Variants in CSF2RA observed in about 807,000 individuals in gnomAD.
The protein encoded by CSF2RA is granulocyte-macrophage colony-stimulating factor receptor subunit alpha.
A neutral mutation model predicts 51.6 loss-of-function variants in CSF2RA; 42 were observed. The observed-to-expected ratio is 0.81, with a 90% CI of 0.64 to 1.05. CSF2RA has a LOEUF of 1.05. Ranked by LOEUF, CSF2RA falls within the 50% of genes least tolerant of loss-of-function variation. The pLI, the probability that CSF2RA is intolerant of heterozygous loss-of-function variation, is 0.00. For missense variants in CSF2RA, 530 were observed against 501.1 expected, an observed-to-expected ratio of 1.06 and a Z score of -0.55; for synonymous variants, 222 against 193.0, an observed-to-expected ratio of 1.15 and a Z score of -1.24.
chrX:1,312,905 G>A (rs1227374764), downstream of CSF2RA, among the ~76,000 whole-genome samples: 1 of 152,106 alleles, frequency 6.6e-6, no homozygotes, highest in Non-Finnish European at 1.5e-5. Context: ...GCTTGGGGAA[G>A]AGATGGAGCC....
the CSF2RA span, among the ~76,000 whole-genome samples, chrX:1,318,436 T>G: frequency 4.0e-4 from 60 of 151,732 alleles, no homozygotes; most frequent in African/African-American, 1.2e-3. Flanking sequence ...GTGCTGGGAT[T>G]ACAGGCGTGA....
intron 7 of CSF2RA, among the ~76,000 whole-genome samples, chrX:1,290,915 G>T (rs1225565136): frequency 6.6e-6 from 1 of 152,020 alleles, no homozygotes; most frequent in African/African-American, 2.4e-5. Flanking sequence ...AATTAGAACT[G>T]AGCTGATTTA....
At chrX:1,303,304 C>A in intron 10 of CSF2RA, 1 of 392,774 alleles carries the variant, frequency 2.5e-6, no homozygotes. Flanking sequence ...GGCACAATCT[C>A]GGCTCACTGC....
chrX:1,283,111 CTTCG>C (rs754304908), intron 3 of CSF2RA, among the ~76,000 whole-genome samples: 2,194 of 81,686 alleles, frequency 0.027, 26 homozygotes, highest in Non-Finnish European at 0.045. Context: ...TCCTTCGTTC[CTTCG>C]TTCCTTCGTT....
intron 4 of CSF2RA, among the ~76,000 whole-genome samples, chrX:1,288,032 T>C (rs2090966021): frequency 6.6e-6 from 1 of 150,986 alleles, no homozygotes; most frequent in South Asian, 2.1e-4. Context: ...CCACGGCACC[T>C]GGCCTCTAGT....
At position 1,290,423 on chromosome X, in the gene CSF2RA, C is replaced by G. The variant is rs758879393; in HGVS notation, c.560C>G (p.Thr187Arg). The G allele has an allele frequency of 1.9e-6, 3 of 1,613,686 alleles. No homozygotes were observed. The East Asian group carries it at 6.7e-5, about 36-fold the overall frequency. ...CACCTGGATAACCTGTCAGGATTAA[C>G]GTCTCGCAATTACTTTCTGGTTAAC... ...GCHLDNLSGL[T>R]SRNYFLVNGT... The change falls in exon 7 of 13, where the codon ACG becomes AGG. Residue 187 changes from threonine to arginine, a missense_variant. Thr to Arg is a moderately conservative substitution (Grantham distance 71). Transcript: ENST00000381529.
At position 1,285,484 on chromosome X, in the gene CSF2RA, G is replaced by A. The variant is rs182764964; in HGVS notation, c.77-294G>A. The stretch of plus-strand genomic sequence containing the variant: ...TGAGGCAGGCGGATCACCTGAGGTC[G>A]GCAGTTCGAGACCAGCCTGACCAAC... On this transcript the variant is annotated intron_variant, in intron 3 of 12. Transcript: ENST00000381529. 0.19 allele frequency among the ~76,000 whole-genome samples: 28,532 copies of A among 151,162 alleles called. 3,255 individuals are homozygous for A. The highest frequency in any genetic ancestry group is 0.25 in the Non-Finnish European group (17,013 of 67,710).
intron 12 of CSF2RA, among the ~76,000 whole-genome samples, chrX:1,308,835 C>G (rs1326416045): frequency 4.6e-5 from 7 of 152,120 alleles, no homozygotes; most frequent in Admixed American, 2.0e-4. Flanking sequence ...CCTGCTGTAC[C>G]CTGCCCAGGT....
Position 1,276,456 on chromosome X carries a change from C to T in CSF2RA, c.-27+1638C>T, listed in dbSNP as rs368848757. On this transcript the variant is annotated intron_variant, in intron 2 of 12. Transcript: ENST00000381529. ...TGGCATGATCTTGGCTCACGGCAAC[C>T]TCTGCCTTTCGAGTTCCAGTGATTC... Among the ~76,000 whole-genome samples the T allele has an allele frequency of 8.0e-4, 122 of 152,178 alleles. 1 individual carries two copies. Among genetic ancestry groups the T allele is most frequent in the African/African-American group, 2.7e-3 (113 of 41,548 alleles).
intron 12 of CSF2RA, among the ~76,000 whole-genome samples, chrX:1,306,863 GA>G (rs2083624073): frequency 9.9e-6 from 1 of 100,662 alleles, no homozygotes; most frequent in African/African-American, 3.6e-5. Context: ...ACAGAGAGGG[GA>G]GAGAGAGAGA....
downstream of CSF2RA, among the ~76,000 whole-genome samples, chrX:1,310,998 A>G (rs150159324): frequency 5.5e-3 from 839 of 152,142 alleles, 11 homozygotes; most frequent in African/African-American, 0.019. Flanking sequence ...CTGTAATCCT[A>G]GCACTTTGGG....
rs192286272 is a variant in CSF2RA at position 1,292,535 on chromosome X, G to A, written c.647-1793G>A. 3.2e-3 allele frequency among the ~76,000 whole-genome samples: 483 copies of A among 152,212 alleles called. 3 individuals carry two copies. The highest frequency in any genetic ancestry group is 0.011 in the African/African-American group (457 of 41,486). On this transcript the variant is annotated intron_variant, in intron 7 of 12. Transcript: ENST00000381529. ...GGTGATAGTGGGGAGAAGGTCAGCA[G>A]GAAGACATATGAGCAAAGGAATCTG...
intron 12 of CSF2RA, chrX:1,305,956 C>A: frequency 1.6e-6 from 1 of 639,064 alleles, no homozygotes; most frequent in Non-Finnish European, 2.7e-6. Context: ...GTGGTGTACG[C>A]CTGAAATCCC....
chrX:1,321,393 C>G, the CSF2RA span, among the ~76,000 whole-genome samples: 1 of 151,874 alleles, frequency 6.6e-6, no homozygotes, highest in African/African-American at 2.4e-5. Flanking sequence ...GGCGTGAACC[C>G]GGGAGGCGGA....
chrX:1,273,763 TTGTA>T (rs1488979941), intron 1 of CSF2RA, among the ~76,000 whole-genome samples: 1 of 59,556 alleles, frequency 1.7e-5, no homozygotes, highest in Non-Finnish European at 3.6e-5. Flanking sequence ...TTTTTTTTTT[TTGTA>T]TTTTTTTTTT....
At chrX:1,322,121 T>A in the CSF2RA span, among the ~76,000 whole-genome samples, 1 of 151,778 alleles carries the variant, frequency 6.6e-6, no homozygotes, top group African/African-American at 2.4e-5. Flanking sequence ...TTTATTTATT[T>A]TTGAGACAGT....
chrX:1,294,126 C>A, intron 7 of CSF2RA: 1 of 707,388 alleles, frequency 1.4e-6, no homozygotes, highest in South Asian at 1.6e-5. Flanking sequence ...CAGGAGGAGA[C>A]CCTGCCCCAT....
intron 4 of CSF2RA, among the ~76,000 whole-genome samples, chrX:1,286,744 C>G (rs1428460646): frequency 2.0e-5 from 3 of 152,088 alleles, no homozygotes; most frequent in African/African-American, 4.8e-5. Context: ...TGAGGCAGAG[C>G]CTATGTTACC....
At chrX:1,321,207 C>T in the CSF2RA span, among the ~76,000 whole-genome samples, 3 of 151,942 alleles carry the variant, frequency 2.0e-5, no homozygotes, top group Admixed American at 6.6e-5. Flanking sequence ...CGGTGGCTCA[C>T]GCCTGTCATC....
Sources: gnomAD v4.1 joint callset for allele counts (sites outside exome capture counted in the v4.1 genomes callset) on GRCh38, gnomAD v4.1.1 for gene constraint, MANE v1.5 for transcripts, NCBI Gene and HGNC (gene_info 2026-07-23, HGNC 2026-07-21) for gene names.